Variants in DNAI3 observed in about 807,000 individuals in gnomAD.
The protein encoded by DNAI3 is dynein axonemal intermediate chain 3, also known as WD repeat domain 63.
Under a neutral mutation model 115.5 loss-of-function variants are expected in DNAI3, and 83 were observed. The ratio of observed to expected loss-of-function variants is 0.72; its 90% CI spans 0.60 to 0.86. The LOEUF (loss-of-function observed/expected upper bound fraction) is 0.86, where lower values mean the gene tolerates loss of function less well. Among genes scored for constraint, DNAI3 ranks in the 40% least tolerant of loss-of-function variants. The probability of loss-of-function intolerance (pLI) is 0.00; values close to 1 mark genes in which losing one functional copy is unlikely to be tolerated. For synonymous variants in DNAI3, 320 were observed against 347.0 expected, an observed-to-expected ratio of 0.92 and a Z score of 0.86; for missense variants, 1,004 against 1,075.8, an observed-to-expected ratio of 0.93 and a Z score of 0.93.
chr1:85,072,125 A>T, intron 2 of DNAI3, 120 bp downstream of exon 2: 1 of 957,338 alleles, frequency 1.0e-6, no homozygotes. Context: ...CATAAAGTCA[A>T]ATGTATGAGG....
rs1247766871 is a variant in DNAI3 at position 85,073,036 on chromosome 1, C to T, written c.65-18C>T. 2.0e-6 allele frequency: 3 copies of T among 1,478,768 alleles called. No individual in the cohort carries two copies. Among genetic ancestry groups the T allele is most frequent in the African/African-American group, 1.4e-5 (1 of 69,826 alleles). The allele number at this position is 1,478,768 out of a possible 1,614,324, so 91.6% of individuals were successfully genotyped here. On this transcript the variant is annotated intron_variant, in intron 2 of 22. Transcript: ENST00000294664. ...TGATTCAAAAATGTAAATTTGACTT[C>T]CTTTTATTATATTCTAGCTAGTGAA... is the stretch of plus-strand genomic sequence containing the variant.
Position 85,126,429 on chromosome 1 carries a change from G to T in DNAI3, c.2113-82G>T, listed in dbSNP as rs917249195. On this transcript the variant is annotated intron_variant, in intron 19 of 22. Coordinates refer to ENST00000294664, the MANE Select transcript of DNAI3 (RefSeq NM_145172.5). ...TATATGATCATAGCTAGCTTGAGTT[G>T]TACTTAATGAACAGCATGGTGAATT... 41 of 1,413,240 alleles carry T rather than the reference G, an allele frequency of 2.9e-5. 1 individual carries two copies. The highest frequency in any genetic ancestry group is 3.8e-5 in the Non-Finnish European group (40 of 1,045,534). 87.5% of individuals were successfully genotyped at this position (1,413,240 alleles called of 1,614,324 possible). A position where few individuals can be genotyped will look rare whatever the true frequency, so the allele number is the denominator to read the frequency against.
intron 13 of DNAI3, among the ~76,000 whole-genome samples, chr1:85,102,590 A>T (rs1571183154): frequency 6.6e-6 from 1 of 152,236 alleles, no homozygotes; most frequent in East Asian, 1.9e-4. Context: ...TAAAAAGAAT[A>T]AAGTGGTGAA....
intron 19 of DNAI3, among the ~76,000 whole-genome samples, chr1:85,124,794 G>A (rs1571202056): frequency 6.6e-6 from 1 of 152,236 alleles, no homozygotes; most frequent in East Asian, 1.9e-4. Context: ...TCGGCCTCCC[G>A]AAGTGCTGGG....
chr1:85,080,679 C>T (rs924660824), intron 3 of DNAI3, among the ~76,000 whole-genome samples: 1 of 152,208 alleles, frequency 6.6e-6, no homozygotes, highest in South Asian at 2.1e-4. Flanking sequence ...GTCATACCTT[C>T]CAACAAATAA....
chr1:85,124,557 G>A (rs751418238), intron 19 of DNAI3, among the ~76,000 whole-genome samples: 7 of 152,218 alleles, frequency 4.6e-5, no homozygotes, highest in Non-Finnish European at 1.0e-4. Context: ...GGGGGCCAAG[G>A]TCTCACTGTG....
intron 9 of DNAI3, 139 bp from the exon 10 acceptor site, chr1:85,094,292 C>T: frequency 8.5e-7 from 1 of 1,178,636 alleles, no homozygotes; most frequent in Non-Finnish European, 1.2e-6. Context: ...CCACATTAGC[C>T]AGCAGAGCTC....
At chr1:85,069,691 G>A (rs1195708326) in intron 1 of DNAI3, among the ~76,000 whole-genome samples, 1 of 151,898 alleles carries the variant, frequency 6.6e-6, no homozygotes, top group Non-Finnish European at 1.5e-5. Context: ...ACTCCAGCCT[G>A]GGCGACAGAG....
At chr1:85,089,223 A>G (rs571425271) in intron 7 of DNAI3, among the ~76,000 whole-genome samples, 1 of 152,118 alleles carries the variant, frequency 6.6e-6, no homozygotes, top group South Asian at 2.1e-4. Context: ...AATTTCATTT[A>G]GAGATGAGAA....
At chr1:85,084,473 A>AAAATAT in intron 5 of DNAI3, 73 bp from the exon 6 acceptor site, 1 of 954,464 alleles carries the variant, frequency 1.0e-6, no homozygotes, top group East Asian at 3.8e-5. Flanking sequence ...TTTGTTGCAA[A>AAAATAT]ATATATATAT....
At chr1:85,072,068 A>G (rs1184918701) in intron 2 of DNAI3, 63 bp downstream of exon 2, 3 of 1,450,750 alleles carry the variant, frequency 2.1e-6, no homozygotes, top group East Asian at 2.3e-5. Flanking sequence ...ATTAGCAGCA[A>G]AATGATTATG....
intron 16 of DNAI3, among the ~76,000 whole-genome samples, chr1:85,116,211 G>A (rs1196662631): frequency 6.6e-6 from 1 of 152,124 alleles, no homozygotes; most frequent in Non-Finnish European, 1.5e-5. Flanking sequence ...GACTCTTGCT[G>A]TCTCCTGGGT....
At chr1:85,084,207 G>T in intron 5 of DNAI3, among the ~76,000 whole-genome samples, 1 of 131,138 alleles carries the variant, frequency 7.6e-6, no homozygotes, top group Non-Finnish European at 1.6e-5. Flanking sequence ...ACATCTATAT[G>T]TAGAGATGTG....
intron 16 of DNAI3, among the ~76,000 whole-genome samples, chr1:85,115,568 C>T (rs1557723663): frequency 1.3e-5 from 2 of 152,162 alleles, no homozygotes; most frequent in African/African-American, 2.4e-5. Flanking sequence ...AAGTTATTCC[C>T]GTCAACTCTG....
At position 85,098,726 on chromosome 1, in the gene DNAI3, A is replaced by C; in HGVS notation, c.1479+68A>C. The C allele has an allele frequency of 2.5e-6, 4 of 1,576,462 alleles. No individual in the cohort carries two copies. The South Asian group carries it at 4.7e-5, about 19-fold the overall frequency. On this transcript the variant is annotated intron_variant, in intron 13 of 22. Transcript: ENST00000294664. The stretch of plus-strand genomic sequence containing the variant: ...CATTTTCAGATTTTATGCAAAGAAG[A>C]TGTTTCAAGTCAACAATTCATTTAC...
chr1:85,085,733 G>C, intron 6 of DNAI3, 98 bp from the exon 7 acceptor site: 1 of 969,364 alleles, frequency 1.0e-6, no homozygotes, highest in Non-Finnish European at 1.6e-6. Flanking sequence ...CTCACAGAAA[G>C]TGCACAAAGG....
At chr1:85,064,579 A>G (rs112730328) in intron 1 of DNAI3, among the ~76,000 whole-genome samples, 113 of 151,796 alleles carry the variant, frequency 7.4e-4, no homozygotes, top group African/African-American at 2.5e-3. Flanking sequence ...ATTCTAAATC[A>G]ATGTTTGTTT....
intron 7 of DNAI3, among the ~76,000 whole-genome samples, chr1:85,088,979 GA>G (rs946512961): frequency 2.7e-5 from 4 of 150,608 alleles, no homozygotes; most frequent in African/African-American, 9.7e-5. Context: ...CCTAAACAAG[GA>G]AAAAAAATGA....
At chr1:85,087,900 G>A (rs929125627) in intron 7 of DNAI3, among the ~76,000 whole-genome samples, 2 of 152,090 alleles carry the variant, frequency 1.3e-5, no homozygotes, top group African/African-American at 4.8e-5. Flanking sequence ...AACCATGAAA[G>A]TGCAATGTTA....
Sources: gnomAD v4.1 joint callset for allele counts (sites outside exome capture counted in the v4.1 genomes callset) on GRCh38, gnomAD v4.1.1 for gene constraint, MANE v1.5 for transcripts, NCBI Gene and HGNC (gene_info 2026-07-23, HGNC 2026-07-21) for gene names.